GRIN3A: variants seen among roughly 807,000 people sequenced by gnomAD.
GRIN3A encodes the protein glutamate receptor ionotropic, NMDA 3A.
GRIN3A carries 47 observed loss-of-function variants against 92.4 expected under a neutral mutation model. That is an observed-to-expected ratio of 0.51 (90% confidence interval 0.40 to 0.65). The LOEUF is 0.65. Among genes scored for constraint, GRIN3A ranks in the 30% least tolerant of loss-of-function variants. The pLI is 0.00. For missense variants in GRIN3A, 1,324 were observed against 1,393.1 expected (o/e 0.95, Z 0.79); for synonymous variants, 527 against 540.6 (o/e 0.97, Z 0.35).
intron 3 of GRIN3A, among the ~76,000 whole-genome samples, chr9:101,642,808 C>A (rs749244395): frequency 6.6e-6 from 1 of 152,054 alleles, no homozygotes. Flanking sequence ...ATCTAGGTGG[C>A]AAGCATTAGA....
chr9:101,664,636 A>G (rs1829215524), intron 3 of GRIN3A, among the ~76,000 whole-genome samples: 1 of 151,874 alleles, frequency 6.6e-6, no homozygotes, highest in Non-Finnish European at 1.5e-5. Context: ...AAAAATTTCA[A>G]CCTCCTGTGG....
chr9:101,626,520 T>C (rs942854761), intron 4 of GRIN3A, among the ~76,000 whole-genome samples: 6 of 151,892 alleles, frequency 4.0e-5, no homozygotes, highest in Non-Finnish European at 8.8e-5. Context: ...AGGCTGAAAG[T>C]GGAGAGTTAA....
At chr9:101,623,528 C>A (rs1314781151) in intron 4 of GRIN3A, 95 bp from the exon 5 acceptor site, 13 of 886,218 alleles carry the variant, frequency 1.5e-5, no homozygotes, top group Non-Finnish European at 1.9e-5. Flanking sequence ...GGGACAGAAC[C>A]CGAACACTAA....
Position 101,738,049 on chromosome 9 carries a change from A to C in GRIN3A, c.-70T>G, listed in dbSNP as rs1485173961. On this transcript the variant is annotated 5_prime_UTR_variant, in exon 1 of 9. Coordinates refer to ENST00000361820, the MANE Select transcript of GRIN3A (RefSeq NM_133445.3). Reference sequence around the variant, plus strand: ...CTCGCCCCTCTGCAGCCGCTGCCTGAGGTCTCCGCCTCCAGGTCCCGCGCG... The same window carrying C: ...CTCGCCCCTCTGCAGCCGCTGCCTGCGGTCTCCGCCTCCAGGTCCCGCGCG... The C allele has an allele frequency of 1.7e-5, 23 of 1,332,370 alleles. No homozygotes were observed. Among genetic ancestry groups the C allele is most frequent in the Non-Finnish European group, 2.2e-5 (21 of 963,356 alleles). 82.5% of individuals were successfully genotyped at this position (1,332,370 alleles called of 1,614,324 possible).
chr9:101,609,719 G>A (rs900549097), intron 6 of GRIN3A, among the ~76,000 whole-genome samples: 2 of 152,168 alleles, frequency 1.3e-5, no homozygotes, highest in Non-Finnish European at 2.9e-5. Flanking sequence ...TTCAGCTGAA[G>A]TCTTGGTCAG....
At chr9:101,610,275 A>G (rs574348173) in intron 6 of GRIN3A, among the ~76,000 whole-genome samples, 3 of 152,330 alleles carry the variant, frequency 2.0e-5, no homozygotes, top group African/African-American at 7.2e-5. Flanking sequence ...ATTACATGGT[A>G]GGAAACAGAC....
chr9:101,603,954 T>G (rs933304228), intron 6 of GRIN3A, among the ~76,000 whole-genome samples: 6 of 152,242 alleles, frequency 3.9e-5, no homozygotes, highest in Non-Finnish European at 8.8e-5. Flanking sequence ...GCCTTGTTTG[T>G]GTCACGGCTT....
At chr9:101,698,658 C>T (rs1386987721) in intron 1 of GRIN3A, among the ~76,000 whole-genome samples, 1 of 152,066 alleles carries the variant, frequency 6.6e-6, no homozygotes, top group Non-Finnish European at 1.5e-5. Flanking sequence ...ATTTAGGCTA[C>T]ACAAAGTTTA....
intron 6 of GRIN3A, chr9:101,594,654 G>C: frequency 6.2e-7 from 1 of 1,614,222 alleles, no homozygotes; most frequent in Non-Finnish European, 8.5e-7. Flanking sequence ...CTCAACTTCT[G>C]CTCCTCGTCG....
At chr9:101,635,344 A>G (rs1014764564) in intron 3 of GRIN3A, among the ~76,000 whole-genome samples, 1 of 152,162 alleles carries the variant, frequency 6.6e-6, no homozygotes, top group Non-Finnish European at 1.5e-5. Context: ...CCATTCATTT[A>G]TGTATTGTCT....
intron 1 of GRIN3A, among the ~76,000 whole-genome samples, chr9:101,692,762 A>G (rs558002204): frequency 6.6e-6 from 1 of 152,274 alleles, no homozygotes; most frequent in African/African-American, 2.4e-5. Context: ...GTTTCTCATT[A>G]TCTCACATCT....
At chr9:101,715,465 T>C (rs868398266) in intron 1 of GRIN3A, among the ~76,000 whole-genome samples, 1 of 152,292 alleles carries the variant, frequency 6.6e-6, no homozygotes. Flanking sequence ...AAATTCTCCA[T>C]GTTTAAAGAA....
intron 3 of GRIN3A, among the ~76,000 whole-genome samples, chr9:101,669,511 A>G (rs1829287896): frequency 6.6e-6 from 1 of 152,090 alleles, no homozygotes; most frequent in African/African-American, 2.4e-5. Context: ...GCCTTAGCTA[A>G]TTCTGCCATC....
At position 101,737,378 on chromosome 9, in the gene GRIN3A, T is replaced by A; in HGVS notation, c.602A>T (p.Gln201Leu). Residue 201 changes from glutamine to leucine, a missense_variant, in exon 1 of 9, where the codon CAG becomes CTG. Gln to Leu is a moderately radical substitution (Grantham distance 113). Transcript: ENST00000361820. Reference protein sequence around the residue: ...QGVSALLAFPQSQGEMMELDL... With the variant: ...QGVSALLAFPLSQGEMMELDL... Reference sequence around the variant, plus strand: ...GAGCTCCATCATTTCGCCCTGGCTCTGGGGGAAGGCGAGCAGCGCCGACAC... The same window carrying A: ...GAGCTCCATCATTTCGCCCTGGCTCAGGGGGAAGGCGAGCAGCGCCGACAC... 6.2e-7 allele frequency: 1 copy of A among 1,614,192 alleles called. No individual in the cohort carries two copies. Among genetic ancestry groups the A allele is most frequent in the Non-Finnish European group, 8.5e-7 (1 of 1,180,032 alleles).
intron 6 of GRIN3A, among the ~76,000 whole-genome samples, chr9:101,582,448 A>G (rs1827899889): frequency 6.6e-6 from 1 of 152,218 alleles, no homozygotes; most frequent in Non-Finnish European, 1.5e-5. Context: ...GCCCAGCCCT[A>G]CGAAACAAGG....
In GRIN3A at chr9:101,686,010, CT is replaced by C. The variant is rs1188990420; in HGVS notation, c.1304+585del. Among the ~76,000 whole-genome samples, 4 of 152,204 alleles carry C rather than the reference CT, an allele frequency of 2.6e-5. No homozygotes were observed. The South Asian group carries it at 8.3e-4, about 32-fold the overall frequency. On this transcript the variant is annotated intron_variant, in intron 2 of 8. Coordinates refer to ENST00000361820, the MANE Select transcript of GRIN3A (RefSeq NM_133445.3). The stretch of plus-strand genomic sequence containing the variant: ...AAACTTCAAGTTCAGACGGTCTGAA[CT>C]TGAGTTCAAGAGTCTTTGCCTTTAC...
intron 5 of GRIN3A, among the ~76,000 whole-genome samples, chr9:101,617,125 G>A (rs377513043): frequency 8.8e-5 from 13 of 148,502 alleles, no homozygotes; most frequent in African/African-American, 1.3e-4. Context: ...GCGTGAACCC[G>A]GGAAGCGGAG....
rs578215220 is a variant in GRIN3A at position 101,627,550 on chromosome 9, G to A, written c.2498+706C>T. ...TCTGTTATTATCTTGATTCCATCGA[G>A]CAGGAGGGAGAGGACTACTCACCCT... On this transcript the variant is annotated intron_variant, in intron 4 of 8. Coordinates refer to ENST00000361820, the MANE Select transcript of GRIN3A (RefSeq NM_133445.3). Among the ~76,000 whole-genome samples the A allele has an allele frequency of 1.1e-3, 160 of 152,240 alleles. 1 individual carries two copies. The highest frequency in any genetic ancestry group is 3.6e-3 in the African/African-American group (149 of 41,538).
chr9:101,678,177 A>C (rs1564142517), intron 2 of GRIN3A, among the ~76,000 whole-genome samples: 1 of 152,154 alleles, frequency 6.6e-6, no homozygotes, highest in Non-Finnish European at 1.5e-5. Flanking sequence ...GCAATTAAAC[A>C]CATGTCTTCT....
Sources: gnomAD v4.1 joint callset for allele counts (sites outside exome capture counted in the v4.1 genomes callset) on GRCh38, gnomAD v4.1.1 for gene constraint, MANE v1.5 for transcripts, NCBI Gene and HGNC (gene_info 2026-07-23, HGNC 2026-07-21) for gene names.